The following NBPF14 variants were observed in gnomAD, a reference collection of about 807,000 sequenced individuals.
NBPF14 encodes the protein NBPF member 14, also known as NBPF family member NBPF14.
A neutral mutation model predicts 91.2 loss-of-function variants in NBPF14; 104 were observed. That is an observed-to-expected ratio of 1.14 (90% CI 0.97 to 1.34). The LOEUF is 1.34. Ranked by LOEUF, NBPF14 falls within the 40% of genes most tolerant of loss-of-function variation. NBPF14 has a pLI of 0.00. For missense variants in NBPF14, 908 were observed against 783.0 expected, an observed-to-expected ratio of 1.16 and a Z score of -1.91; for synonymous variants, 294 against 303.8, an observed-to-expected ratio of 0.97 and a Z score of 0.34.
At chr1:148,580,054 G>A (rs1340862424) in intron 12 of NBPF14, among the ~76,000 whole-genome samples, 7 of 151,462 alleles carry the variant, frequency 4.6e-5, no homozygotes, top group East Asian at 1.9e-4. Flanking sequence ...CCAAAGGATC[G>A]CAGCTCCTCA....
At chr1:148,559,923 C>A (rs1570945713) in exon 37 of NBPF14, 14 of 1,345,630 alleles carry the variant, frequency 1.0e-5, no homozygotes, top group South Asian at 1.3e-5. Context: ...GTGAGTCCTG[C>A]AAGACTTCAG....
intron 37 of NBPF14, among the ~76,000 whole-genome samples, 162 bp downstream of exon 37, chr1:148,559,631 G>T (rs1270731666): frequency 8.0e-6 from 1 of 125,072 alleles, no homozygotes; most frequent in Non-Finnish European, 1.5e-5. Flanking sequence ...CCCTTGTCTG[G>T]GCTTCCAAGT....
intron 34 of NBPF14, among the ~76,000 whole-genome samples, 197 bp from the exon 35 acceptor site, chr1:148,561,776 GACACACACACAC>G (rs1179446616): frequency 1.7e-5 from 2 of 114,334 alleles, no homozygotes; most frequent in Admixed American, 8.2e-5. Flanking sequence ...AAGACAGATA[GACACACACACAC>G]ACACACACAC....
In NBPF14 at chr1:148,589,698, A is replaced by C. The variant is rs1228298497; in HGVS notation, c.779-305T>G. 5.3e-4 allele frequency among the ~76,000 whole-genome samples: 64 copies of C among 121,864 alleles called. 1 individual carries two copies. The highest frequency in any genetic ancestry group is 8.7e-4 in the Non-Finnish European group (48 of 55,400). The allele number at this position is 121,864 out of a possible 152,430, so 79.9% of individuals were successfully genotyped here. ...CCAATGTTTCTGTGTAGCACAAAAG[A>C]TTTCATTTTGCTTTTTTAATTTTTT... On this transcript the variant is annotated intron_variant, in intron 6 of 70. Transcript: ENST00000619423.
Position 148,577,545 on chromosome 1 carries a change from CA to C in NBPF14, c.1854-191del, listed in dbSNP as rs1660077621. On this transcript the variant is annotated intron_variant, in intron 14 of 70. Coordinates refer to ENST00000619423, the Ensembl canonical transcript of NBPF14. ...GGTAGAAAAGGATGAACGAGAAAGA[CA>C]CACACACACACACACACACACACAC... Among the ~76,000 whole-genome samples the C allele has an allele frequency of 1.8e-4, 4 of 22,704 alleles. No homozygotes were observed. In the East Asian group the frequency reaches 0.045, roughly 258 times the overall value. The allele number at this position is 22,704 out of a possible 152,430, so 14.9% of individuals were successfully genotyped here.
chr1:148,560,055 GTT>G (rs1657456772), intron 36 of NBPF14, 90 bp from the exon 37 acceptor site: 1 of 683,310 alleles, frequency 1.5e-6, no homozygotes, highest in African/African-American at 2.3e-5. Flanking sequence ...GTAAGGAAGA[GTT>G]TGAAAAGAAA....
At chr1:148,588,047 T>A (rs1293280536) in intron 7 of NBPF14, among the ~76,000 whole-genome samples, 47 of 132,184 alleles carry the variant, frequency 3.6e-4, no homozygotes, top group African/African-American at 1.1e-3. Flanking sequence ...ATAAATGTTC[T>A]AGGAGATTGA....
chr1:148,559,946 G>A (rs1385335158), exon 37 of NBPF14: 17 of 1,282,986 alleles, frequency 1.3e-5, no homozygotes, highest in Admixed American at 7.6e-5. Context: ...CCTTTCTCAT[G>A]CAGCAGCTCC....
intron 68 of NBPF14, among the ~76,000 whole-genome samples, chr1:148,535,128 ACT>A (rs1317368862): frequency 2.0e-5 from 3 of 146,852 alleles, no homozygotes; most frequent in African/African-American, 7.9e-5. Flanking sequence ...GTCAAAGGAC[ACT>A]CTGAGTTAGT....
At chr1:148,557,091 G>T (rs1316666455) in intron 40 of NBPF14, among the ~76,000 whole-genome samples, 2 of 77,296 alleles carry the variant, frequency 2.6e-5, no homozygotes, top group Non-Finnish European at 4.6e-5. Flanking sequence ...CACACACAGA[G>T]AGAGAGAGAG....
rs1275879619 is a variant in NBPF14, at chr1:148,534,664, C to G, written c.8614+20G>C. On this transcript the variant is annotated intron_variant, in intron 69 of 70. Transcript: ENST00000619423. ...GGAAGACCAGGTGGAGGCTTATCAC[C>G]TTCATAGTAAGGTACTCACTGTCCA... 3.7e-6 allele frequency: 3 copies of G among 818,606 alleles called. No homozygotes were observed. Among genetic ancestry groups the G allele is most frequent in the Admixed American group, 3.5e-5 (2 of 57,342 alleles). The allele number at this position is 818,606 out of a possible 1,614,324, so 50.7% of individuals were successfully genotyped here.
At chr1:148,560,112 T>A (rs1657484358) in intron 36 of NBPF14, 147 bp from the exon 37 acceptor site, 1 of 666,356 alleles carries the variant, frequency 1.5e-6, no homozygotes, top group Admixed American at 2.4e-5. Context: ...GCCTTTATGT[T>A]GGGATAGAAC....
chr1:148,559,334 T>A (rs1175832424), intron 37 of NBPF14, among the ~76,000 whole-genome samples: 1 of 127,446 alleles, frequency 7.8e-6, no homozygotes, highest in Non-Finnish European at 1.5e-5. Flanking sequence ...CAAATGGTTA[T>A]GCCATATTTT....
intron 12 of NBPF14, among the ~76,000 whole-genome samples, chr1:148,579,809 T>C (rs1165068852): frequency 6.6e-6 from 1 of 151,654 alleles, no homozygotes; most frequent in East Asian, 1.9e-4. Context: ...TGTTTGAGGG[T>C]CTGGAGTGGA....
intron 69 of NBPF14, among the ~76,000 whole-genome samples, chr1:148,534,229 A>G (rs1654457110): frequency 6.6e-6 from 1 of 151,284 alleles, no homozygotes; most frequent in South Asian, 2.1e-4. Flanking sequence ...GCAAACAGTT[A>G]CGCCATATTT....
At chr1:148,592,727 C>A (rs1662701920) in exon 4 of NBPF14, 3 of 1,585,968 alleles carry the variant, frequency 1.9e-6, no homozygotes, top group Non-Finnish European at 2.6e-6. Context: ...TTAGCTGGGT[C>A]AGCTCTCGTT....
chr1:148,575,960 G>A, intron 16 of NBPF14, 149 bp from the exon 17 acceptor site: 1 of 546,082 alleles, frequency 1.8e-6, no homozygotes, highest in Non-Finnish European at 3.2e-6. Context: ...CTTTATGTTG[G>A]GATAGACCAG....
intron 64 of NBPF14, among the ~76,000 whole-genome samples, chr1:148,538,254 A>G (rs1655363696): frequency 1.4e-5 from 1 of 70,008 alleles, no homozygotes; most frequent in Non-Finnish European, 2.8e-5. Context: ...ACACAGAGAG[A>G]GAGAGAACGA....
chr1:148,578,770 T>C (rs1358293894), intron 13 of NBPF14, among the ~76,000 whole-genome samples: 1 of 147,316 alleles, frequency 6.8e-6, no homozygotes, highest in Admixed American at 6.8e-5. Flanking sequence ...GACAGACAAC[T>C]CCTGGGCATG....
Sources: gnomAD v4.1 joint callset for allele counts (sites outside exome capture counted in the v4.1 genomes callset) on GRCh38, gnomAD v4.1.1 for gene constraint, MANE v1.5 for transcripts, NCBI Gene and HGNC (gene_info 2026-07-23, HGNC 2026-07-21) for gene names.